Variants in RAB38 observed in about 807,000 individuals in gnomAD.
The protein encoded by RAB38 is RAB38, member RAS oncogene family.
Under a neutral mutation model 18.4 loss-of-function variants are expected in RAB38, and 15 were observed. The ratio of observed to expected loss-of-function variants is 0.82; its 90% confidence interval spans 0.55 to 1.26. The LOEUF is 1.26. Ranked by LOEUF, RAB38 falls within the 50% of genes most tolerant of loss-of-function variation. The pLI is 0.00. For synonymous variants in RAB38, 101 were observed against 104.4 expected (o/e 0.97, Z 0.20); for missense variants, 294 against 267.4 (o/e 1.10, Z -0.69).
the RAB38 span, among the ~76,000 whole-genome samples, chr11:88,009,865 AC>A: frequency 1.3e-5 from 2 of 152,144 alleles, no homozygotes; most frequent in Admixed American, 1.3e-4. Flanking sequence ...AATGCATAGA[AC>A]CATAAGTATC....
chr11:87,914,289 G>T, the RAB38 span, among the ~76,000 whole-genome samples: 1 of 152,120 alleles, frequency 6.6e-6, no homozygotes, highest in African/African-American at 2.4e-5. Flanking sequence ...TAAAGTCTTA[G>T]GTAGAAATGG....
chr11:87,932,817 C>T, the RAB38 span, among the ~76,000 whole-genome samples: 1 of 152,104 alleles, frequency 6.6e-6, no homozygotes, highest in South Asian at 2.1e-4. Context: ...AGGCTTCAAA[C>T]TGTACTGGTT....
At chr11:88,100,961 T>C in the RAB38 span, among the ~76,000 whole-genome samples, 4 of 152,114 alleles carry the variant, frequency 2.6e-5, no homozygotes, top group East Asian at 5.8e-4. Flanking sequence ...TCAAGGATAC[T>C]GAATAAAAGG....
At chr11:87,878,286 C>A in the RAB38 span, among the ~76,000 whole-genome samples, 6 of 141,872 alleles carry the variant, frequency 4.2e-5, no homozygotes, top group South Asian at 4.4e-4. Flanking sequence ...ATCTATCTAT[C>A]TATCTATCTA....
chr11:88,170,871 T>C (rs201414970), intron 1 of RAB38, among the ~76,000 whole-genome samples: 1 of 13,054 alleles, frequency 7.7e-5, no homozygotes, highest in Non-Finnish European at 3.0e-4. Flanking sequence ...TAAAACTGGA[T>C]TGGGTTTTTT....
At chr11:87,830,494 C>A in the RAB38 span, among the ~76,000 whole-genome samples, 2 of 150,410 alleles carry the variant, frequency 1.3e-5, no homozygotes, top group South Asian at 2.1e-4. Flanking sequence ...AAAAAAAAAA[C>A]TGCTCGAAGC....
chr11:88,173,147 T>C (rs1380439313), intron 1 of RAB38, among the ~76,000 whole-genome samples: 1 of 152,200 alleles, frequency 6.6e-6, no homozygotes, highest in Non-Finnish European at 1.5e-5. Flanking sequence ...TGGTGATAAC[T>C]TGGGGACAAA....
the RAB38 span, among the ~76,000 whole-genome samples, chr11:88,022,875 T>C: frequency 2.6e-5 from 4 of 152,172 alleles, no homozygotes; most frequent in Non-Finnish European, 5.9e-5. Context: ...GTCTTTATAA[T>C]ACAATGATTT....
the RAB38 span, among the ~76,000 whole-genome samples, chr11:87,975,686 A>T: frequency 2.2e-3 from 335 of 151,898 alleles, 1 homozygote; most frequent in Non-Finnish European, 4.1e-3. Context: ...AGATTCCTTC[A>T]TTTTCTATAA....
At chr11:88,174,202 G>A (rs1179263574) in intron 1 of RAB38, 2 of 614,108 alleles carry the variant, frequency 3.3e-6, no homozygotes, top group Admixed American at 6.3e-5. Flanking sequence ...CAAAGCCACT[G>A]AGCAGGTTAG....
chr11:87,904,829 G>C, the RAB38 span, among the ~76,000 whole-genome samples: 1 of 151,612 alleles, frequency 6.6e-6, no homozygotes, highest in Non-Finnish European at 1.5e-5. Context: ...GTAACATTTT[G>C]ATTATGATGT....
At chr11:88,103,116 G>A in the RAB38 span, among the ~76,000 whole-genome samples, 2 of 152,028 alleles carry the variant, frequency 1.3e-5, no homozygotes, top group Admixed American at 1.3e-4. Flanking sequence ...TTTACTGAAT[G>A]TCTAAGTATG....
chr11:87,976,777 T>G, the RAB38 span, among the ~76,000 whole-genome samples: 256 of 95,034 alleles, frequency 2.7e-3, 4 homozygotes, highest in African/African-American at 0.01. Context: ...AATATATATT[T>G]ATATATTATA....
chr11:87,903,161 A>C, the RAB38 span, among the ~76,000 whole-genome samples: 1 of 151,454 alleles, frequency 6.6e-6, no homozygotes, highest in Admixed American at 6.6e-5. Context: ...CCAGGCTTAA[A>C]AGAAAAGCAT....
At chr11:87,969,442 G>C in the RAB38 span, among the ~76,000 whole-genome samples, 8 of 152,102 alleles carry the variant, frequency 5.3e-5, no homozygotes, top group African/African-American at 1.9e-4. Flanking sequence ...TTCTTCAAAC[G>C]CTCCATGGTA....
the RAB38 span, among the ~76,000 whole-genome samples, chr11:88,023,190 T>C: frequency 1.1e-4 from 17 of 152,072 alleles, no homozygotes; most frequent in East Asian, 3.3e-3. Context: ...AGTTAATATT[T>C]TAAAAAATTA....
At chr11:87,864,879 C>A in the RAB38 span, among the ~76,000 whole-genome samples, 1 of 151,780 alleles carries the variant, frequency 6.6e-6, no homozygotes, top group East Asian at 1.9e-4. Context: ...TGCTCATCAC[C>A]TAAACAAACT....
chr11:87,921,744 G>T, the RAB38 span, among the ~76,000 whole-genome samples: 1 of 151,744 alleles, frequency 6.6e-6, no homozygotes, highest in African/African-American at 2.4e-5. Flanking sequence ...AAGCACTCAG[G>T]AAAAGTTTTA....
At chr11:88,054,261 G>T in the RAB38 span, among the ~76,000 whole-genome samples, 1 of 152,036 alleles carries the variant, frequency 6.6e-6, no homozygotes. Context: ...TTTTTTTGAG[G>T]CTTGAAGAAC....
Sources: allele counts gnomAD v4.1 joint callset (sites outside exome capture counted in the v4.1 genomes callset), GRCh38; gene constraint gnomAD v4.1.1; transcripts MANE v1.5; gene names NCBI Gene and HGNC (gene_info 2026-07-23, HGNC 2026-07-21).